Variants in ABCA10 observed in about 807,000 individuals in gnomAD.
The protein encoded by ABCA10 is ATP-binding cassette sub-family A member 10.
ABCA10 carries 169 observed loss-of-function variants against 187.5 expected under a neutral mutation model. That is an observed-to-expected ratio of 0.90 (90% confidence interval 0.80 to 1.02). ABCA10 has a LOEUF of 1.02. Among genes scored for constraint, ABCA10 ranks in the 50% least tolerant of loss-of-function variants. ABCA10 has a pLI of 0.00. For missense variants in ABCA10, 1,727 were observed against 1,812.4 expected, an observed-to-expected ratio of 0.95 and a Z score of 0.86; for synonymous variants, 574 against 601.8, an observed-to-expected ratio of 0.95 and a Z score of 0.68.
chr17:69,202,758 T>C (rs1486353402), intron 9 of ABCA10, among the ~76,000 whole-genome samples: 1 of 138,438 alleles, frequency 7.2e-6, no homozygotes, highest in Non-Finnish European at 1.5e-5. Context: ...CAATTAAAAA[T>C]GGCTTGACAG....
intron 25 of ABCA10, among the ~76,000 whole-genome samples, chr17:69,173,512 A>G (rs936906828): frequency 6.6e-6 from 1 of 152,150 alleles, no homozygotes; most frequent in Non-Finnish European, 1.5e-5. Flanking sequence ...AAGAAGAAAA[A>G]AAGAGAGAGT....
At chr17:69,212,978 G>A (rs2074671871) in intron 9 of ABCA10, among the ~76,000 whole-genome samples, 1 of 152,218 alleles carries the variant, frequency 6.6e-6, no homozygotes, top group Non-Finnish European at 1.5e-5. Flanking sequence ...GAGGTACTAT[G>A]CTATTCATCA....
chr17:69,165,622 T>C (rs1334620712), intron 25 of ABCA10, among the ~76,000 whole-genome samples: 1 of 152,140 alleles, frequency 6.6e-6, no homozygotes, highest in Non-Finnish European at 1.5e-5. Flanking sequence ...CTCAGACTGT[T>C]AGTCGTTTCC....
At chr17:69,169,164 C>A (rs2074276969) in intron 25 of ABCA10, among the ~76,000 whole-genome samples, 1 of 152,100 alleles carries the variant, frequency 6.6e-6, no homozygotes, top group African/African-American at 2.4e-5. Flanking sequence ...AATAACTGAA[C>A]CTCAAAAGAA....
chr17:69,208,279 G>A lies in ABCA10; in HGVS notation c.1006+6425C>T, dbSNP rs367585222. ...AAAAATACAAAAAAATTAGCTGGGC[G>A]TGGTGGCAGGTGCCTGTAGTCCTAG... On this transcript the variant is annotated intron_variant, in intron 9 of 38. Transcript: ENST00000690296. 3.8e-3 allele frequency among the ~76,000 whole-genome samples: 576 copies of A among 151,982 alleles called. 3 individuals carry two copies. Among genetic ancestry groups the A allele is most frequent in the African/African-American group, 0.013 (535 of 41,456 alleles).
At chr17:69,237,652 T>TC (rs1450616437) in intron 1 of ABCA10, among the ~76,000 whole-genome samples, 1 of 152,204 alleles carries the variant, frequency 6.6e-6, no homozygotes, top group African/African-American at 2.4e-5. Flanking sequence ...CACTGTAATT[T>TC]CCCCAAAATT....
At chr17:69,149,655 G>GAAT (rs1335654514) in intron 37 of ABCA10, among the ~76,000 whole-genome samples, 1 of 151,992 alleles carries the variant, frequency 6.6e-6, no homozygotes, top group East Asian at 1.9e-4. Flanking sequence ...ATATTCTTTG[G>GAAT]GACAACATTC....
At chr17:69,211,538 A>G (rs1369426953) in intron 9 of ABCA10, among the ~76,000 whole-genome samples, 1 of 151,538 alleles carries the variant, frequency 6.6e-6, no homozygotes, top group Non-Finnish European at 1.5e-5. Flanking sequence ...CTTTTGAAAT[A>G]GTGTCAATAG....
chr17:69,228,774 TC>T lies in ABCA10; in HGVS notation c.-507del, dbSNP rs2074812550. On this transcript the variant is annotated 5_prime_UTR_variant, in exon 1 of 39. Coordinates refer to ENST00000690296, the MANE Select transcript of ABCA10 (RefSeq NM_001377321.1). ...ATGCCAACAAATTCTGTTGGTTTTTTCCCTATGTTTTTCTCCTTGTCCAGTT... is the reference window on the plus strand; with the variant it reads ...ATGCCAACAAATTCTGTTGGTTTTTTCCTATGTTTTTCTCCTTGTCCAGTT... 1 of 152,000 alleles carries T rather than the reference TC, an allele frequency of 6.6e-6. No individual in the cohort carries two copies. Among genetic ancestry groups the T allele is most frequent in the Non-Finnish European group, 1.5e-5 (1 of 67,926 alleles). The allele number at this position is 152,000 out of a possible 1,614,324, so 9.4% of individuals were successfully genotyped here.
intron 30 of ABCA10, 42 bp downstream of exon 30, chr17:69,154,977 A>C (rs1465767237): frequency 2.8e-6 from 4 of 1,418,778 alleles, no homozygotes; most frequent in Non-Finnish European, 3.9e-6. Flanking sequence ...TCTAGAGAAT[A>C]AGGAACATTA....
At chr17:69,193,660 G>A (rs2074478226) in intron 13 of ABCA10, 48 bp from the exon 14 acceptor site, 1 of 1,559,644 alleles carries the variant, frequency 6.4e-7, no homozygotes, top group African/African-American at 1.4e-5. Flanking sequence ...TTTACTTTAA[G>A]GAGTTTTTAC....
At chr17:69,174,880 A>C in intron 23 of ABCA10, 103 bp from the exon 24 acceptor site, 1 of 1,033,860 alleles carries the variant, frequency 9.7e-7, no homozygotes. Context: ...AGTATGTTAT[A>C]GTGTCTGTGT....
intron 10 of ABCA10, 118 bp downstream of exon 10, chr17:69,201,382 G>T (rs1320753318): frequency 8.5e-6 from 8 of 937,144 alleles, no homozygotes; most frequent in Non-Finnish European, 1.2e-5. Flanking sequence ...AATTTAGGAT[G>T]ATGGCAGAGA....
At chr17:69,170,437 C>CAAAAAAA (rs71144658) in intron 25 of ABCA10, among the ~76,000 whole-genome samples, 2 of 109,682 alleles carry the variant, frequency 1.8e-5, no homozygotes, top group Non-Finnish European at 3.8e-5. Context: ...TTTTACTCAT[C>CAAAAAAA]AAAAAAAAAA....
chr17:69,225,472 T>A lies in ABCA10; in HGVS notation c.-114A>T. The A allele has an allele frequency of 9.8e-7, 1 of 1,023,252 alleles. No homozygotes were observed. The highest frequency in any genetic ancestry group is 1.5e-5 in the South Asian group (1 of 67,358). 63.4% of individuals were successfully genotyped at this position (1,023,252 alleles called of 1,614,324 possible). On this transcript the variant is annotated 5_prime_UTR_variant, in exon 3 of 39. Transcript: ENST00000690296. ...GGTTGTTCAGGAAAACGGGTAGCTC[T>A]GAAGTGTTCCGAAAAGATGCACAAA...
chr17:69,173,491 T>G (rs1598095480), intron 25 of ABCA10, among the ~76,000 whole-genome samples: 1 of 151,932 alleles, frequency 6.6e-6, no homozygotes, highest in Non-Finnish European at 1.5e-5. Flanking sequence ...GAAAGGAAAA[T>G]CCAGAAGAAG....
At chr17:69,162,838 C>CATATACATATATATATATATAT (rs375141032) in intron 27 of ABCA10, among the ~76,000 whole-genome samples, 8 of 120,834 alleles carry the variant, frequency 6.6e-5, no homozygotes, top group African/African-American at 3.0e-4. Context: ...TATACATATA[C>CATATACATATATATATATATAT]ATATATATAT....
chr17:69,154,496 C>T (rs1322264906), intron 30 of ABCA10, among the ~76,000 whole-genome samples, 170 bp from the exon 31 acceptor site: 1 of 148,668 alleles, frequency 6.7e-6, no homozygotes, highest in African/African-American at 2.5e-5. Context: ...GTAATCATTG[C>T]CTGCTGCAGC....
intron 9 of ABCA10, among the ~76,000 whole-genome samples, chr17:69,206,283 A>T (rs2074591220): frequency 6.6e-6 from 1 of 152,230 alleles, no homozygotes; most frequent in Non-Finnish European, 1.5e-5. Flanking sequence ...CGACATGATC[A>T]GAGGTATCAT....
Sources: allele counts gnomAD v4.1 joint callset (sites outside exome capture counted in the v4.1 genomes callset), GRCh38; gene constraint gnomAD v4.1.1; transcripts MANE v1.5; gene names NCBI Gene and HGNC (gene_info 2026-07-23, HGNC 2026-07-21).